The following TADA1 variants were observed in gnomAD, a reference collection of about 807,000 sequenced individuals.
The protein encoded by TADA1 is transcriptional adapter 1.
Under a neutral mutation model 39.3 loss-of-function variants are expected in TADA1, and 23 were observed. The ratio of observed to expected loss-of-function variants is 0.58; its 90% CI spans 0.42 to 0.83. The LOEUF (loss-of-function observed/expected upper bound fraction) is 0.83. Among genes scored for constraint, TADA1 ranks in the 40% least tolerant of loss-of-function variants. TADA1 has a pLI of 0.00. For missense variants in TADA1, 352 were observed against 408.1 expected (o/e 0.86, Z 1.18); for synonymous variants, 137 against 151.8 (o/e 0.90, Z 0.72).
Position 166,860,244 on chromosome 1 carries a change from C to T in TADA1, c.634G>A (p.Val212Met), listed in dbSNP as rs1055641283. Reference protein sequence around the residue: ...GHFKYAFGSNVTPQPYLKNSV... With the variant: ...GHFKYAFGSNMTPQPYLKNSV... The stretch of plus-strand genomic sequence containing the variant: ...TTCTTCAGGTATGGCTGCGGGGTCA[C>T]GTTACTGCCAAAGGCATATTTAAAA... The change falls in exon 6 of 8, where the codon GTG becomes ATG. Residue 212 changes from valine to methionine, a missense_variant. Val to Met is a conservative substitution (Grantham distance 21). Transcript: ENST00000367874. The T allele has an allele frequency of 5.0e-5, 80 of 1,613,938 alleles. No homozygotes were observed. The highest frequency in any genetic ancestry group is 8.3e-5 in the Admixed American group (5 of 59,984).
intron 1 of TADA1, among the ~76,000 whole-genome samples, chr1:166,870,256 C>T (rs945131236): frequency 6.6e-6 from 1 of 152,106 alleles, no homozygotes; most frequent in Non-Finnish European, 1.5e-5. Context: ...TTAGGGTGGG[C>T]CCTAATCCAG....
At chr1:166,875,902 G>A (rs920121426) in intron 1 of TADA1, among the ~76,000 whole-genome samples, 5 of 152,128 alleles carry the variant, frequency 3.3e-5, no homozygotes, top group Non-Finnish European at 5.9e-5. Context: ...CGCTTCTCCC[G>A]CCCCACCCAG....
intron 2 of TADA1, 57 bp downstream of exon 2, chr1:166,869,703 TTAC>T (rs754506686): frequency 3.2e-6 from 5 of 1,556,048 alleles, no homozygotes; most frequent in Non-Finnish European, 4.4e-6. Context: ...GGAAAAGACT[TTAC>T]TACAAATCTA....
intron 5 of TADA1, among the ~76,000 whole-genome samples, chr1:166,860,661 G>A (rs1658385196): frequency 6.6e-6 from 1 of 152,060 alleles, no homozygotes; most frequent in African/African-American, 2.4e-5. Flanking sequence ...GGCTTTAAAA[G>A]AAGTACACAA....
At chr1:166,860,457 T>C in intron 5 of TADA1, 120 bp from the exon 6 acceptor site, 1 of 934,150 alleles carries the variant, frequency 1.1e-6, no homozygotes, top group Non-Finnish European at 1.5e-6. Flanking sequence ...GGTTAGTATA[T>C]GCTAGAACCA....
chr1:166,875,589 G>A (rs1002154053), intron 1 of TADA1, among the ~76,000 whole-genome samples: 3 of 152,252 alleles, frequency 2.0e-5, no homozygotes, highest in Non-Finnish European at 2.9e-5. Context: ...AGCTTAAAAT[G>A]TTTAAAATGT....
At position 166,862,225 on chromosome 1, in the gene TADA1, G is replaced by GA; in HGVS notation, c.517dup (p.Ser173PhefsTer12). ...AACCTCCACAGCATAGACAACAGCTGAAACAGCCTCCTCGGTGACATTGTC... is the reference window on the plus strand; with the variant it reads ...AACCTCCACAGCATAGACAACAGCTGAAAACAGCCTCCTCGGTGACATTGTC... On this transcript the variant is annotated frameshift_variant, in exon 5 of 8. Transcript: ENST00000367874. LOFTEE classifies it high-confidence loss of function. 6.2e-7 allele frequency: 1 copy of GA among 1,613,606 alleles called. No individual in the cohort carries two copies. The highest frequency in any genetic ancestry group is 8.5e-7 in the Non-Finnish European group (1 of 1,179,918).
At chr1:166,873,488 C>G (rs1454135910) in intron 1 of TADA1, among the ~76,000 whole-genome samples, 1 of 151,972 alleles carries the variant, frequency 6.6e-6, no homozygotes, top group Non-Finnish European at 1.5e-5. Flanking sequence ...TCATATCCAG[C>G]CTCCGTGCAT....
At chr1:166,869,572 C>T (rs1223417038) in intron 2 of TADA1, 62 bp from the exon 3 acceptor site, 4 of 1,568,152 alleles carry the variant, frequency 2.6e-6, no homozygotes, top group Non-Finnish European at 3.5e-6. Flanking sequence ...GAAACCACAA[C>T]TTTGGTCTAG....
chr1:166,869,919 T>A (rs1658620823), intron 1 of TADA1, 65 bp from the exon 2 acceptor site: 1 of 1,444,546 alleles, frequency 6.9e-7, no homozygotes, highest in Non-Finnish European at 9.7e-7. Context: ...TTTGTTTGTT[T>A]TGTTTTTTTA....
chr1:166,860,202 T>C lies in TADA1; in HGVS notation c.676A>G (p.Asn226Asp). The C allele has an allele frequency of 6.3e-7, 1 of 1,599,836 alleles. No individual in the cohort carries two copies. The highest frequency in any genetic ancestry group is 8.5e-7 in the Non-Finnish European group (1 of 1,175,834). ...PYLKNSVVAYNNLIESPPAFT... is the reference protein window; with the variant it reads ...PYLKNSVVAYDNLIESPPAFT... ...TTCATTTACCTTTCTATTAAGTTGT[T>C]GTAAGCTACTACACTATTCTTCAGG... is the stretch of plus-strand genomic sequence containing the variant. Residue 226 changes from asparagine to aspartate, a missense_variant, in exon 6 of 8, where the codon AAC becomes GAC. Asn to Asp is a conservative substitution (Grantham distance 23). This residue lies in a region of TADA1 where 285 missense variants were observed against 310.9 expected (regional missense o/e 0.92). Transcript: ENST00000367874.
Position 166,869,864 on chromosome 1 carries a change from C to T in TADA1, c.75-10G>A, listed in dbSNP as rs972713010. ...TAGGTTAGCCCAGTATCTGCAGAGG[C>T]AGAAACAATACTAAGAACCACAGAT... On this transcript the variant is annotated splice_polypyrimidine_tract_variant and intron_variant, in intron 1 of 7. Transcript: ENST00000367874. 1.9e-6 allele frequency: 3 copies of T among 1,610,508 alleles called. No homozygotes were observed. The highest frequency in any genetic ancestry group is 1.7e-6 in the Non-Finnish European group (2 of 1,177,972).
At chr1:166,874,612 TTGTCTC>T (rs954438460) in intron 1 of TADA1, among the ~76,000 whole-genome samples, 8 of 151,942 alleles carry the variant, frequency 5.3e-5, no homozygotes, top group Non-Finnish European at 8.8e-5. Flanking sequence ...CAGCAAGACT[TTGTCTC>T]TGAAAAAAAA....
At chr1:166,866,419 C>A (rs1250079201) in intron 3 of TADA1, among the ~76,000 whole-genome samples, 1 of 152,132 alleles carries the variant, frequency 6.6e-6, no homozygotes, top group East Asian at 1.9e-4. Context: ...GTCTAGTATG[C>A]TATACTCAAC....
chr1:166,865,550 A>G (rs1199796080), intron 3 of TADA1, among the ~76,000 whole-genome samples: 1 of 152,102 alleles, frequency 6.6e-6, no homozygotes, highest in South Asian at 2.1e-4. Context: ...GCGGTGGCTC[A>G]AGCCTGTAAT....
At position 166,857,359 on chromosome 1, in the gene TADA1, G is replaced by C; in HGVS notation, c.*208C>G. ...CATTAGTGCCTGCTCCCACAACTGG[G>C]AACACATACATATAGAGATATGGGT... On this transcript the variant is annotated 3_prime_UTR_variant, in exon 8 of 8. Transcript: ENST00000367874. 1 of 543,462 alleles carries C rather than the reference G, an allele frequency of 1.8e-6. No homozygotes were observed. The highest frequency in any genetic ancestry group is 2.9e-5 in the South Asian group (1 of 34,722). The allele number at this position is 543,462 out of a possible 1,614,324, so 33.7% of individuals were successfully genotyped here. A position where few individuals can be genotyped will look rare whatever the true frequency, so the allele number is the denominator to read the frequency against.
intron 4 of TADA1, 76 bp downstream of exon 4, chr1:166,863,748 T>C (rs771755547): frequency 7.6e-7 from 1 of 1,318,034 alleles, no homozygotes; most frequent in Non-Finnish European, 1.1e-6. Context: ...TTAATATTCA[T>C]TTAAAAACTA....
Position 166,858,149 on chromosome 1 carries a change from C to A in TADA1, c.825G>T (p.Val275=), listed in dbSNP as rs1387343137. Residue 275 remains valine, a synonymous_variant, in exon 7 of 8, where the codon GTG becomes GTT. Transcript: ENST00000367874. ...GDTLPASLPP[V]NMYDLFEALQ... is the part of the protein sequence containing the mutation. ...AAGCTTCAAAAAGATCGTACATGTT[C>A]ACCGGAGGCAAAGATGCAGGTAGAG... The A allele has an allele frequency of 1.2e-6, 2 of 1,614,154 alleles. No individual in the cohort carries two copies. Among genetic ancestry groups the A allele is most frequent in the South Asian group, 2.2e-5 (2 of 91,070 alleles).
chr1:166,867,992 C>A (rs1259732295), intron 3 of TADA1, among the ~76,000 whole-genome samples: 1 of 151,970 alleles, frequency 6.6e-6, no homozygotes, highest in African/African-American at 2.4e-5. Flanking sequence ...TCACCCTAAG[C>A]CCTTAAAAAA....
Sources: allele counts gnomAD v4.1 joint callset (sites outside exome capture counted in the v4.1 genomes callset), GRCh38; gene constraint gnomAD v4.1.1; regional missense constraint gnomAD v4.1.1; transcripts MANE v1.5; gene names NCBI Gene and HGNC (gene_info 2026-07-23, HGNC 2026-07-21).